Variants in PCBP3 observed in about 807,000 individuals in gnomAD.
The protein encoded by PCBP3 is poly(rC)-binding protein 3.
A neutral mutation model predicts 52.7 loss-of-function variants in PCBP3; 25 were observed. That is an observed-to-expected ratio of 0.47 (90% CI 0.35 to 0.66). PCBP3 has a LOEUF of 0.66. PCBP3 is among the 30% of genes least tolerant of loss of function. The pLI is 0.01. For synonymous variants in PCBP3, 162 were observed against 183.0 expected, an observed-to-expected ratio of 0.89 and a Z score of 0.93; for missense variants, 391 against 490.3, an observed-to-expected ratio of 0.80 and a Z score of 1.91.
Position 45,698,325 on chromosome 21 carries a change from G to A in PCBP3, c.-200+29373G>A, listed in dbSNP as rs185745826. The stretch of plus-strand genomic sequence containing the variant: ...ATACCTGACACTGTATGGCATTGAA[G>A]ACATTTGTGTTCATGCATTAGCCTC... On this transcript the variant is annotated intron_variant, in intron 2 of 17. Coordinates refer to ENST00000681687, the MANE Select transcript of PCBP3 (RefSeq NM_001384156.1). Among the ~76,000 whole-genome samples the A allele has an allele frequency of 9.2e-5, 14 of 152,334 alleles. No individual in the cohort carries two copies. The East Asian group carries it at 2.7e-3, about 29-fold the overall frequency.
At chr21:45,872,590 C>CG (rs2095074136) in intron 5 of PCBP3, 1 of 152,200 alleles carries the variant, frequency 6.6e-6, no homozygotes. Context: ...AAGTGCCCTC[C>CG]GAGCTTCTAC....
intron 9 of PCBP3, among the ~76,000 whole-genome samples, chr21:45,907,988 T>A (rs1043364366): frequency 5.3e-5 from 8 of 152,222 alleles, no homozygotes; most frequent in African/African-American, 1.9e-4. Context: ...GTGAAACTAT[T>A]TTTAAATGAG....
intron 4 of PCBP3, among the ~76,000 whole-genome samples, chr21:45,782,037 A>T (rs569376611): frequency 7.0e-6 from 1 of 143,624 alleles, no homozygotes; most frequent in Admixed American, 7.2e-5. Flanking sequence ...ATTCCATTAT[A>T]TATCTCAAAG....
At chr21:45,653,596 C>A (rs1409387334) in intron 1 of PCBP3, among the ~76,000 whole-genome samples, 1 of 151,716 alleles carries the variant, frequency 6.6e-6, no homozygotes, top group East Asian at 1.9e-4. Context: ...TGTTTTTTAT[C>A]TTATTCTCAA....
rs1020713640 is a variant in PCBP3, at chr21:45,928,679, C to G, written c.718-1238C>G. On this transcript the variant is annotated intron_variant, in intron 13 of 17. Transcript: ENST00000681687. The surrounding 1 kb of genome is among the most constrained non-coding windows in gnomAD (Gnocchi z 4.1). The stretch of plus-strand genomic sequence containing the variant: ...GTGCAGATGGCAGCTCTGCTCCGAG[C>G]GCCCACACCCCCCAGCATTGGTGGC... Among the ~76,000 whole-genome samples the G allele has an allele frequency of 6.6e-6, 1 of 152,010 alleles. No individual in the cohort carries two copies. The highest frequency in any genetic ancestry group is 6.5e-5 in the Admixed American group (1 of 15,278).
intron 4 of PCBP3, among the ~76,000 whole-genome samples, chr21:45,824,986 A>G (rs1721879291): frequency 6.6e-6 from 1 of 152,230 alleles, no homozygotes; most frequent in Non-Finnish European, 1.5e-5. Context: ...CTTCCTCCTG[A>G]GAAAACATTG....
At chr21:45,667,841 G>A (rs2080905434) in intron 1 of PCBP3, among the ~76,000 whole-genome samples, 1 of 152,044 alleles carries the variant, frequency 6.6e-6, no homozygotes, top group South Asian at 2.1e-4. Flanking sequence ...TGTTGCTGCT[G>A]CTTGTTATAG....
chr21:45,672,273 T>G (rs1248558894), intron 2 of PCBP3, among the ~76,000 whole-genome samples: 1 of 152,200 alleles, frequency 6.6e-6, no homozygotes, highest in East Asian at 1.9e-4. Flanking sequence ...GACCTTAGAC[T>G]TCTCAGCTTC....
At chr21:45,920,273 C>T (rs142900239) in intron 13 of PCBP3, among the ~76,000 whole-genome samples, 164 of 152,260 alleles carry the variant, frequency 1.1e-3, no homozygotes, top group African/African-American at 3.6e-3. Flanking sequence ...GCTGAGCACC[C>T]GTCTGAGCCA....
intron 13 of PCBP3, chr21:45,919,602 C>T (rs1841947651): frequency 6.6e-6 from 1 of 152,202 alleles, no homozygotes; most frequent in Admixed American, 6.5e-5. Context: ...AAAGCCTTTC[C>T]CCACCTGCCC....
intron 5 of PCBP3, among the ~76,000 whole-genome samples, chr21:45,874,487 G>A (rs1395413194): frequency 6.7e-6 from 1 of 149,426 alleles, no homozygotes; most frequent in Admixed American, 6.6e-5. Context: ...CTTATACATG[G>A]TATCTTCTTC....
At chr21:45,710,490 A>AT (rs748867607) in intron 2 of PCBP3, among the ~76,000 whole-genome samples, 2 of 152,126 alleles carry the variant, frequency 1.3e-5, no homozygotes, top group Non-Finnish European at 2.9e-5. Context: ...TGAACTCATC[A>AT]TTTTTTATGG....
chr21:45,847,824 A>C (rs552251140), intron 4 of PCBP3, among the ~76,000 whole-genome samples: 74 of 152,338 alleles, frequency 4.9e-4, no homozygotes, highest in Admixed American at 1.0e-3. Flanking sequence ...GTTCAAGTAC[A>C]TGATGAGCCT....
chr21:45,779,000 C>A (rs957187755), intron 4 of PCBP3, among the ~76,000 whole-genome samples: 1 of 152,212 alleles, frequency 6.6e-6, no homozygotes, highest in South Asian at 2.1e-4. Flanking sequence ...GCTTGCCCCC[C>A]AGCCCTGGTG....
chr21:45,678,813 T>G (rs958945407), intron 2 of PCBP3, among the ~76,000 whole-genome samples: 3 of 151,840 alleles, frequency 2.0e-5, no homozygotes, highest in African/African-American at 7.3e-5. Flanking sequence ...AGCAGCAGGG[T>G]TTGAGAGGAC....
intron 2 of PCBP3, among the ~76,000 whole-genome samples, chr21:45,699,771 A>G (rs977630002): frequency 1.3e-5 from 2 of 152,180 alleles, no homozygotes; most frequent in African/African-American, 4.8e-5. Context: ...AGACTTATTC[A>G]CTGTCACAAG....
In PCBP3 at chr21:45,659,045, G is replaced by C. The variant is rs999535598; in HGVS notation, c.-278-9829G>C. Among the ~76,000 whole-genome samples the C allele has an allele frequency of 1.7e-4, 24 of 141,970 alleles. 1 individual carries two copies. The highest frequency in any genetic ancestry group is 4.2e-4 in the Admixed American group (6 of 14,184). The allele number at this position is 141,970 out of a possible 152,430, so 93.1% of individuals were successfully genotyped here. A position where few individuals can be genotyped will look rare whatever the true frequency, so the allele number is the denominator to read the frequency against. Reference sequence around the variant, plus strand: ...ATTGAGTCTTCCCTCTTTTTTTCTTGGTCATTCTAGATAAAAGTTTGTCAG... The same window carrying C: ...ATTGAGTCTTCCCTCTTTTTTTCTTCGTCATTCTAGATAAAAGTTTGTCAG... On this transcript the variant is annotated intron_variant, in intron 1 of 17. Transcript: ENST00000681687.
Position 45,928,519 on chromosome 21 carries a change from C to G in PCBP3, c.718-1398C>G, listed in dbSNP as rs184520042. On this transcript the variant is annotated intron_variant, in intron 13 of 17. Coordinates refer to ENST00000681687, the MANE Select transcript of PCBP3 (RefSeq NM_001384156.1). The surrounding 1 kb of genome is among the most constrained non-coding windows in gnomAD (Gnocchi z 4.1). ...CCAAGTTCAAACCCACCCAGGAGCA[C>G]ACAGCTGGGAAGGCGCTGGGACCAC... Among the ~76,000 whole-genome samples the G allele has an allele frequency of 1.3e-4, 20 of 152,332 alleles. No homozygotes were observed. The East Asian group carries it at 3.7e-3, about 28-fold the overall frequency.
At position 45,670,522 on chromosome 21, in the gene PCBP3, G is replaced by A. The variant is rs74654036; in HGVS notation, c.-200+1570G>A. Among the ~76,000 whole-genome samples, 862 of 152,266 alleles carry A rather than the reference G, an allele frequency of 5.7e-3. 7 individuals are homozygous for A. The highest frequency in any genetic ancestry group is 0.019 in the African/African-American group (805 of 41,548). ...TTGGGATGATTATTGTTTTTAGAGAGGTTTTCATCAGGTACTGCTAAGGTT... is the reference window on the plus strand; with the variant it reads ...TTGGGATGATTATTGTTTTTAGAGAAGTTTTCATCAGGTACTGCTAAGGTT... On this transcript the variant is annotated intron_variant, in intron 2 of 17. Coordinates refer to ENST00000681687, the MANE Select transcript of PCBP3 (RefSeq NM_001384156.1).
Sources: allele counts gnomAD v4.1 joint callset (sites outside exome capture counted in the v4.1 genomes callset), GRCh38; gene constraint gnomAD v4.1.1; non-coding constraint Gnocchi (gnomAD v3.1); transcripts MANE v1.5; gene names NCBI Gene and HGNC (gene_info 2026-07-23, HGNC 2026-07-21).